Variants in CNTN3 observed in about 807,000 individuals in gnomAD.
CNTN3 encodes contactin-3.
In CNTN3, 60 loss-of-function variants were observed where a neutral mutation model predicts 119.1. The ratio of observed to expected loss-of-function variants is 0.50; its 90% CI spans 0.41 to 0.62. The LOEUF is 0.62. Ranked by LOEUF, CNTN3 falls within the 20% of genes least tolerant of loss-of-function variation. CNTN3 has a pLI of 0.00. For synonymous variants in CNTN3, 450 were observed against 438.7 expected, an observed-to-expected ratio of 1.03 and a Z score of -0.32; for missense variants, 1,101 against 1,242.4, an observed-to-expected ratio of 0.89 and a Z score of 1.71.
At chr3:74,347,905 A>C (rs886266769) in intron 11 of CNTN3, among the ~76,000 whole-genome samples, 6 of 152,236 alleles carry the variant, frequency 3.9e-5, no homozygotes, top group Admixed American at 1.3e-4. Context: ...ATTTGTCACA[A>C]CATGGATGAA....
At chr3:74,563,923 T>C (rs1353700167) in intron 1 of CNTN3, among the ~76,000 whole-genome samples, 1 of 152,168 alleles carries the variant, frequency 6.6e-6, no homozygotes, top group South Asian at 2.1e-4. Context: ...AATATTCACA[T>C]TGCTCTTGGG....
At chr3:74,483,969 T>C (rs1482647153) in intron 4 of CNTN3, among the ~76,000 whole-genome samples, 1 of 152,156 alleles carries the variant, frequency 6.6e-6, no homozygotes, top group Non-Finnish European at 1.5e-5. Context: ...TTACAAGTCA[T>C]ACTTTTCAGG....
intron 5 of CNTN3, among the ~76,000 whole-genome samples, chr3:74,407,274 T>TTTC (rs1701344738): frequency 7.0e-6 from 1 of 143,202 alleles, no homozygotes; most frequent in Non-Finnish European, 1.5e-5. Context: ...ATTTTTTTTT[T>TTTC]TTTTTTTTTT....
intron 13 of CNTN3, among the ~76,000 whole-genome samples, chr3:74,328,429 A>AT: frequency 6.6e-6 from 1 of 152,336 alleles, no homozygotes; most frequent in Middle Eastern, 3.4e-3. Flanking sequence ...GTATTTACAT[A>AT]ATAAATATTT....
intron 1 of CNTN3, among the ~76,000 whole-genome samples, chr3:74,590,492 G>C (rs1257553968): frequency 9.1e-6 from 1 of 110,142 alleles, no homozygotes; most frequent in Non-Finnish European, 1.5e-5. Context: ...GCAGTGCTCA[G>C]AGCAACTCTG....
chr3:74,460,354 T>C (rs907828782), intron 4 of CNTN3, among the ~76,000 whole-genome samples: 1 of 151,968 alleles, frequency 6.6e-6, no homozygotes. Flanking sequence ...GTATTAAAAC[T>C]ACATATCAAT....
chr3:74,608,027 G>C (rs184752613), intron 1 of CNTN3, among the ~76,000 whole-genome samples: 8 of 152,260 alleles, frequency 5.3e-5, no homozygotes, highest in East Asian at 1.9e-4. Context: ...GTCACCATAC[G>C]GGGAAGTTGG....
At chr3:74,342,150 A>G (rs1703563037) in intron 11 of CNTN3, among the ~76,000 whole-genome samples, 1 of 152,140 alleles carries the variant, frequency 6.6e-6, no homozygotes. Context: ...GCAAATATAC[A>G]TTGATGAAAA....
chr3:74,361,411 T>A (rs531737936), intron 11 of CNTN3, among the ~76,000 whole-genome samples: 1 of 152,372 alleles, frequency 6.6e-6, no homozygotes, highest in Non-Finnish European at 1.5e-5. Context: ...AAGACCATCC[T>A]GCTTCTTCAT....
chr3:74,467,472 C>T (rs1051458056), intron 4 of CNTN3, among the ~76,000 whole-genome samples: 2 of 152,018 alleles, frequency 1.3e-5, no homozygotes, highest in East Asian at 1.9e-4. Context: ...AGAATCACAG[C>T]GGTATAATGG....
chr3:74,524,830 A>G lies in CNTN3; in HGVS notation c.-80-3638T>C, dbSNP rs547963885. Among the ~76,000 whole-genome samples the G allele has an allele frequency of 3.5e-3, 536 of 151,770 alleles. 7 individuals are homozygous for G. The highest frequency in any genetic ancestry group is 5.8e-3 in the Non-Finnish European group (392 of 67,828). ...CTGCTGGTTAAATATTTTAACAATC[A>G]CCTCTGGGCATAGGAAATAGAATAT... On this transcript the variant is annotated intron_variant, in intron 1 of 22. Coordinates refer to ENST00000263665, the MANE Select transcript of CNTN3 (RefSeq NM_020872.3).
chr3:74,551,710 TTTAGTATGTAG>T (rs139247437), intron 1 of CNTN3, among the ~76,000 whole-genome samples: 19,361 of 149,708 alleles, frequency 0.13, 1,379 homozygotes, highest in East Asian at 0.29. Context: ...ATTGGAATCA[TTTAGTATGTAG>T]TCTTCACAGA....
chr3:74,399,649 A>G (rs540737135), intron 5 of CNTN3, among the ~76,000 whole-genome samples: 1 of 152,244 alleles, frequency 6.6e-6, no homozygotes, highest in East Asian at 1.9e-4. Context: ...TCCTTTGGGT[A>G]TATACCCAGT....
intron 11 of CNTN3, among the ~76,000 whole-genome samples, chr3:74,342,482 C>A (rs1425112837): frequency 1.3e-5 from 2 of 152,028 alleles, no homozygotes; most frequent in Non-Finnish European, 2.9e-5. Context: ...TGAGTAAGTA[C>A]CAGGCTAATA....
chr3:74,354,893 C>T (rs894333204), intron 11 of CNTN3, among the ~76,000 whole-genome samples: 4 of 152,038 alleles, frequency 2.6e-5, no homozygotes, highest in South Asian at 2.1e-4. Context: ...CTTGTATGTA[C>T]GAGAGTTTCA....
chr3:74,553,397 C>A (rs1157273319), intron 1 of CNTN3, among the ~76,000 whole-genome samples: 1 of 152,150 alleles, frequency 6.6e-6, no homozygotes, highest in African/African-American at 2.4e-5. Context: ...AATAAACATA[C>A]GTGTGCATGT....
At chr3:74,265,797 A>G (rs947120174) in intron 22 of CNTN3, among the ~76,000 whole-genome samples, 2 of 152,216 alleles carry the variant, frequency 1.3e-5, no homozygotes, top group Admixed American at 6.5e-5. Context: ...ATAGAATAGC[A>G]TATGAAGTCA....
chr3:74,593,990 A>G (rs1462784962), intron 1 of CNTN3, among the ~76,000 whole-genome samples: 4 of 151,954 alleles, frequency 2.6e-5, no homozygotes, highest in Non-Finnish European at 5.9e-5. Context: ...GAGGCCACAG[A>G]GGGGATTGAA....
At chr3:74,433,697 A>G (rs1212747583) in intron 4 of CNTN3, among the ~76,000 whole-genome samples, 1 of 151,942 alleles carries the variant, frequency 6.6e-6, no homozygotes, top group African/African-American at 2.4e-5. Flanking sequence ...GCAACAACAA[A>G]CTTTTCCTTT....
Sources: allele counts gnomAD v4.1 joint callset (sites outside exome capture counted in the v4.1 genomes callset), GRCh38; gene constraint gnomAD v4.1.1; transcripts MANE v1.5; gene names NCBI Gene and HGNC (gene_info 2026-07-23, HGNC 2026-07-21).